The following CFAP70 variants were observed in gnomAD, a reference collection of about 807,000 sequenced individuals.
CFAP70 encodes the protein cilia- and flagella-associated protein 70.
Under a neutral mutation model 137.6 loss-of-function variants are expected in CFAP70, and 81 were observed. The observed-to-expected ratio is 0.59, with a 90% confidence interval of 0.49 to 0.71. CFAP70 has a LOEUF of 0.71. Among genes scored for constraint, CFAP70 ranks in the 30% least tolerant of loss-of-function variants. The pLI is 0.00. For missense variants in CFAP70, 976 were observed against 1,226.7 expected (o/e 0.80, Z 3.05); for synonymous variants, 382 against 423.6 (o/e 0.90, Z 1.20).
At position 73,354,454 on chromosome 10, in the gene CFAP70, CT is replaced by C. The variant is rs534402586; in HGVS notation, c.63+279del. Among the ~76,000 whole-genome samples the C allele has an allele frequency of 1.9e-3, 285 of 152,210 alleles. 1 individual carries two copies. The highest frequency in any genetic ancestry group is 3.1e-3 in the Non-Finnish European group (211 of 68,016). ...AAACTCTGGAAGAATTCAGATCCTT[CT>C]CAGGAGAAAGGGAAAAAAATTATAC... On this transcript the variant is annotated intron_variant, in intron 2 of 26. Transcript: ENST00000310715.
chr10:73,357,988 A>T (rs1156678376), intron 1 of CFAP70, among the ~76,000 whole-genome samples: 1 of 152,238 alleles, frequency 6.6e-6, no homozygotes, highest in Non-Finnish European at 1.5e-5. Flanking sequence ...CTTAACAACT[A>T]TGTGCCCCTA....
chr10:73,360,795 C>T (rs1340706325), upstream of CFAP70, among the ~76,000 whole-genome samples: 1 of 152,080 alleles, frequency 6.6e-6, no homozygotes, highest in Non-Finnish European at 1.5e-5. Context: ...AAATGACAGA[C>T]TCTTTCTACA....
chr10:73,320,909 C>T (rs141822160), intron 9 of CFAP70, among the ~76,000 whole-genome samples: 1,526 of 152,112 alleles, frequency 0.01, 18 homozygotes, highest in South Asian at 0.032. Context: ...TCAGGTGATC[C>T]GCCCGCCTCG....
At chr10:73,322,995 A>G in exon 9 of CFAP70, 1 of 1,613,654 alleles carries the variant, frequency 6.2e-7, no homozygotes, top group Non-Finnish European at 8.5e-7. Flanking sequence ...AGGTAAGGGT[A>G]AACATGAAAA....
At chr10:73,351,938 TC>T (rs2054311418) in intron 3 of CFAP70, among the ~76,000 whole-genome samples, 2 of 152,214 alleles carry the variant, frequency 1.3e-5, no homozygotes, top group Admixed American at 1.3e-4. Context: ...AAGTCTAGGT[TC>T]CCTACTCAGC....
intron 12 of CFAP70, 77 bp from the exon 14 acceptor site, chr10:73,299,742 T>C (rs11000590): frequency 0.098 from 116,413 of 1,190,036 alleles, 9,499 homozygotes; most frequent in African/African-American, 0.32. Flanking sequence ...TTTTATCTTA[T>C]CCTCAAAGTG....
chr10:73,339,771 T>C (rs550615003), intron 6 of CFAP70, among the ~76,000 whole-genome samples: 5 of 152,244 alleles, frequency 3.3e-5, no homozygotes, highest in Non-Finnish European at 7.4e-5. Context: ...CCAGGGAATG[T>C]GGTGGTGCTC....
chr10:73,295,711 CT>C (rs2048504355), intron 15 of CFAP70: 1 of 152,188 alleles, frequency 6.6e-6, no homozygotes, highest in Non-Finnish European at 1.5e-5. Context: ...GGCTCTTTGC[CT>C]CTTTAACAAT....
chr10:73,277,048 G>A lies in CFAP70; in HGVS notation c.2520+192C>T, dbSNP rs1221065699. 7.8e-6 allele frequency: 4 copies of A among 512,076 alleles called. 1 individual carries two copies. In the East Asian group the frequency reaches 1.1e-4, roughly 15 times the overall value. The allele number at this position is 512,076 out of a possible 1,614,324, so 31.7% of individuals were successfully genotyped here. On this transcript the variant is annotated intron_variant, in intron 21 of 26. Transcript: ENST00000310715. ...TTCTACAGGGAGCAGAACTTGCAGC[G>A]AGGTCTTCTGCTGCCATGTGCAAAG...
chr10:73,325,275 C>A (rs1589491488), intron 8 of CFAP70, among the ~76,000 whole-genome samples: 1 of 151,778 alleles, frequency 6.6e-6, no homozygotes, highest in African/African-American at 2.4e-5. Flanking sequence ...ACTTTACAGA[C>A]AAGCAAATGC....
chr10:73,305,019 G>A (rs778619675), intron 12 of CFAP70, among the ~76,000 whole-genome samples: 4 of 152,192 alleles, frequency 2.6e-5, no homozygotes, highest in Non-Finnish European at 5.9e-5. Flanking sequence ...GCTGCACACC[G>A]CATCCCCAGC....
At chr10:73,310,111 T>G (rs768772244) in intron 12 of CFAP70, 47 bp downstream of exon 13, 4 of 1,291,830 alleles carry the variant, frequency 3.1e-6, no homozygotes, top group Middle Eastern at 3.8e-4. Context: ...TTCCTCTTAT[T>G]TATACCCAAA....
intron 26 of CFAP70, 59 bp downstream of exon 27, chr10:73,256,310 C>T: frequency 6.3e-7 from 1 of 1,585,890 alleles, no homozygotes; most frequent in Non-Finnish European, 8.7e-7. Flanking sequence ...CAGTACCTCC[C>T]TCCTAATTTC....
At chr10:73,362,063 T>C (rs2055030300), upstream of CFAP70, among the ~76,000 whole-genome samples, 1 of 152,142 alleles carries the variant, frequency 6.6e-6, no homozygotes, top group African/African-American at 2.4e-5. Context: ...AAATAATCAA[T>C]TGAATTGAGA....
upstream of CFAP70, among the ~76,000 whole-genome samples, chr10:73,362,237 C>T (rs941970137): frequency 6.6e-6 from 1 of 152,106 alleles, no homozygotes; most frequent in African/African-American, 2.4e-5. Context: ...CCTTACCTCA[C>T]ACCATATACA....
At chr10:73,262,349 T>C (rs965997357) in intron 25 of CFAP70, among the ~76,000 whole-genome samples, 2 of 152,100 alleles carry the variant, frequency 1.3e-5, no homozygotes, top group African/African-American at 4.8e-5. Flanking sequence ...AGTCACTTCA[T>C]AGCCCTCTCC....
intron 19 of CFAP70, among the ~76,000 whole-genome samples, chr10:73,282,442 A>G (rs1589338998): frequency 6.6e-6 from 1 of 152,290 alleles, no homozygotes; most frequent in Admixed American, 6.5e-5. Context: ...TGGATTCTAC[A>G]CTGGCTTAGA....
At chr10:73,299,126 A>G (rs767320633) in intron 13 of CFAP70, 25 bp from the exon 15 acceptor site, 29 of 1,570,464 alleles carry the variant, frequency 1.8e-5, no homozygotes, top group Non-Finnish European at 2.3e-5. Flanking sequence ...AACATCTGGT[A>G]GACGCCTCAG....
At chr10:73,281,842 C>A (rs1306794876) in intron 19 of CFAP70, among the ~76,000 whole-genome samples, 2 of 152,134 alleles carry the variant, frequency 1.3e-5, no homozygotes, top group Middle Eastern at 3.2e-3. Flanking sequence ...TCTTTTGCAG[C>A]AACACGGATG....
Sources: gnomAD v4.1 joint callset for allele counts (sites outside exome capture counted in the v4.1 genomes callset) on GRCh38, gnomAD v4.1.1 for gene constraint, MANE v1.5 for transcripts, NCBI Gene and HGNC (gene_info 2026-07-23, HGNC 2026-07-21) for gene names.